The following ATE1 variants were observed in gnomAD, a reference collection of about 807,000 sequenced individuals.
ATE1 encodes the protein arginyltransferase 1.
A neutral mutation model predicts 70.5 loss-of-function variants in ATE1; 36 were observed. The ratio of observed to expected loss-of-function variants is 0.51; its 90% confidence interval spans 0.39 to 0.67. The LOEUF is 0.67. Ranked by LOEUF, ATE1 falls within the 30% of genes least tolerant of loss-of-function variation. ATE1 has a pLI of 0.00. For missense variants in ATE1, 593 were observed against 629.5 expected (o/e 0.94, Z 0.62); for synonymous variants, 232 against 219.3 (o/e 1.06, Z -0.51).
intron 8 of ATE1, among the ~76,000 whole-genome samples, chr10:121,857,937 T>C (rs995238448): frequency 3.3e-5 from 5 of 152,210 alleles, no homozygotes; most frequent in African/African-American, 1.2e-4. Context: ...AAGTAGATCA[T>C]ATAATATTTG....
At chr10:121,780,525 G>A (rs190193243) in intron 11 of ATE1, among the ~76,000 whole-genome samples, 1 of 152,276 alleles carries the variant, frequency 6.6e-6, no homozygotes, top group Admixed American at 6.5e-5. Context: ...TCTCCACAAC[G>A]TGGAGTCAAA....
intron 6 of ATE1, among the ~76,000 whole-genome samples, chr10:121,901,522 T>C (rs1282145650): frequency 6.6e-6 from 1 of 152,108 alleles, no homozygotes; most frequent in African/African-American, 2.4e-5. Context: ...AGTGGTGTGA[T>C]CTCAGCTCGC....
chr10:121,882,777 A>G (rs1042106992), intron 7 of ATE1, among the ~76,000 whole-genome samples: 5 of 152,216 alleles, frequency 3.3e-5, no homozygotes, highest in African/African-American at 1.2e-4. Flanking sequence ...CAGGAGGTTA[A>G]TCAAGAATCA....
intron 10 of ATE1, among the ~76,000 whole-genome samples, chr10:121,835,752 A>G (rs1234169116): frequency 6.6e-6 from 1 of 152,188 alleles, no homozygotes; most frequent in Non-Finnish European, 1.5e-5. Context: ...AGATTAAGTG[A>G]TACTTTTGAT....
At chr10:121,912,605 T>G (rs1186709560) in intron 4 of ATE1, among the ~76,000 whole-genome samples, 1 of 151,616 alleles carries the variant, frequency 6.6e-6, no homozygotes, top group Non-Finnish European at 1.5e-5. Context: ...TGAGCCAAGA[T>G]TGAGCCACTG....
intron 4 of ATE1, 110 bp from the exon 5 acceptor site, chr10:121,911,261 C>A: frequency 7.5e-7 from 1 of 1,324,940 alleles, no homozygotes; most frequent in South Asian, 1.3e-5. Flanking sequence ...TACTATCTGT[C>A]CACCAAATCC....
intron 11 of ATE1, among the ~76,000 whole-genome samples, chr10:121,786,684 G>C (rs1946228812): frequency 6.6e-6 from 1 of 152,038 alleles, no homozygotes; most frequent in African/African-American, 2.4e-5. Flanking sequence ...TCACAGGGTA[G>C]CAGCATTTGT....
intron 10 of ATE1, among the ~76,000 whole-genome samples, chr10:121,796,340 T>G (rs368022364): frequency 6.6e-6 from 1 of 152,206 alleles, no homozygotes; most frequent in Non-Finnish European, 1.5e-5. Context: ...TTACTTTTTA[T>G]TATTAATTAA....
chr10:121,832,064 C>T (rs992813610), intron 10 of ATE1, among the ~76,000 whole-genome samples: 20 of 152,160 alleles, frequency 1.3e-4, no homozygotes, highest in African/African-American at 3.6e-4. Flanking sequence ...CCGCCACACA[C>T]CCTGACTAGT....
chr10:121,779,866 C>T (rs543123631), intron 11 of ATE1, among the ~76,000 whole-genome samples: 21 of 152,302 alleles, frequency 1.4e-4, no homozygotes, highest in South Asian at 8.3e-4. Context: ...TTCTCAGGTC[C>T]TCTCAGCAGA....
chr10:121,906,943 A>G (rs1951220020), intron 5 of ATE1, among the ~76,000 whole-genome samples: 1 of 152,030 alleles, frequency 6.6e-6, no homozygotes. Context: ...AGTGAGAGAT[A>G]CCTTAAGTGA....
At chr10:121,922,573 G>C (rs144465302) in intron 2 of ATE1, among the ~76,000 whole-genome samples, 162 bp from the exon 3 acceptor site, 2 of 152,140 alleles carry the variant, frequency 1.3e-5, no homozygotes, top group Non-Finnish European at 2.9e-5. Flanking sequence ...TTCAAAGTGC[G>C]TGTAGCAAAG....
chr10:121,850,982 T>A (rs1414090542), intron 8 of ATE1, among the ~76,000 whole-genome samples: 1 of 148,238 alleles, frequency 6.7e-6, no homozygotes, highest in Non-Finnish European at 1.5e-5. Flanking sequence ...TCCCAGTTAC[T>A]TGGGAGGCTG....
At chr10:121,844,186 G>C (rs73364424) in intron 8 of ATE1, among the ~76,000 whole-genome samples, 1 of 152,344 alleles carries the variant, frequency 6.6e-6, no homozygotes, top group African/African-American at 2.4e-5. Flanking sequence ...GATCCTCTGA[G>C]CCCAGGAGTT....
intron 7 of ATE1, among the ~76,000 whole-genome samples, chr10:121,888,670 G>C (rs1056255128): frequency 6.7e-6 from 1 of 148,626 alleles, no homozygotes; most frequent in South Asian, 2.2e-4. Flanking sequence ...TTTACCAAAA[G>C]GTATGTATAA....
At chr10:121,870,083 C>A (rs12255373) in intron 7 of ATE1, 45 bp from the exon 8 acceptor site, 41 of 1,571,168 alleles carry the variant, frequency 2.6e-5, no homozygotes, top group Non-Finnish European at 3.4e-5. Context: ...AGTAAACAGA[C>A]GGCAAAAAGG....
intron 11 of ATE1, among the ~76,000 whole-genome samples, chr10:121,785,884 C>T (rs1027277332): frequency 2.0e-5 from 3 of 151,980 alleles, no homozygotes. Context: ...TTTTTGCGAA[C>T]ATTTCAATGT....
chr10:121,878,989 AACTAAAATAAC>A (rs1950147015), intron 7 of ATE1, among the ~76,000 whole-genome samples: 1 of 152,234 alleles, frequency 6.6e-6, no homozygotes, highest in African/African-American at 2.4e-5. Flanking sequence ...GTCTCAGCTT[AACTAAAATAAC>A]ACTAAAATAA....
At chr10:121,771,013 C>A (rs1357442837) in intron 11 of ATE1, among the ~76,000 whole-genome samples, 1 of 152,076 alleles carries the variant, frequency 6.6e-6, no homozygotes, top group African/African-American at 2.4e-5. Flanking sequence ...TTAGATCCCT[C>A]AAAAAATGCC....
Sources: allele counts gnomAD v4.1 joint callset (sites outside exome capture counted in the v4.1 genomes callset), GRCh38; gene constraint gnomAD v4.1.1; transcripts MANE v1.5; gene names NCBI Gene and HGNC (gene_info 2026-07-23, HGNC 2026-07-21).